Variants in MYO3A observed in about 807,000 individuals in gnomAD.
MYO3A encodes myosin-IIIa.
A neutral mutation model predicts 192.7 loss-of-function variants in MYO3A; 180 were observed. That is an observed-to-expected ratio of 0.93 (90% confidence interval 0.83 to 1.06). The LOEUF is 1.06. Among genes scored for constraint, MYO3A ranks in the 50% least tolerant of loss-of-function variants. The probability of loss-of-function intolerance (pLI) is 0.00; values close to 1 mark genes in which losing one functional copy is unlikely to be tolerated. For missense variants in MYO3A, 1,896 were observed against 1,905.0 expected (o/e 1.00, Z 0.09); for synonymous variants, 628 against 645.3 (o/e 0.97, Z 0.41).
chr10:26,151,828 C>A (rs1157526434), intron 23 of MYO3A, among the ~76,000 whole-genome samples: 1 of 152,214 alleles, frequency 6.6e-6, no homozygotes, highest in Non-Finnish European at 1.5e-5. Flanking sequence ...TCAGAGGGCT[C>A]ACCTCATTTG....
At chr10:26,108,356 G>A (rs1242925272) in intron 17 of MYO3A, among the ~76,000 whole-genome samples, 3 of 151,892 alleles carry the variant, frequency 2.0e-5, no homozygotes, top group African/African-American at 7.3e-5. Context: ...AGATCCCTTG[G>A]GTTATCAGAT....
chr10:26,109,839 T>G (rs1838051411), intron 17 of MYO3A, among the ~76,000 whole-genome samples: 1 of 152,172 alleles, frequency 6.6e-6, no homozygotes, highest in Non-Finnish European at 1.5e-5. Flanking sequence ...GAGGAATTAA[T>G]TGCTTGTAGG....
rs1015862718 is a variant in MYO3A at position 25,982,307 on chromosome 10, C to T, written c.304-14183C>T. 4.6e-5 allele frequency among the ~76,000 whole-genome samples: 7 copies of T among 152,088 alleles called. No homozygotes were observed. In the South Asian group the frequency reaches 6.2e-4, roughly 14 times the overall value. On this transcript the variant is annotated intron_variant, in intron 4 of 34. Transcript: ENST00000642920. ...CCGCCACCTGGTGGTCTTTCTCTAC[C>T]CACTCTGGTAGCCAAAGAGGAAGGT... is the stretch of plus-strand genomic sequence containing the variant.
chr10:26,187,545 G>A (rs952071009), intron 31 of MYO3A, among the ~76,000 whole-genome samples: 5 of 151,840 alleles, frequency 3.3e-5, no homozygotes, highest in African/African-American at 1.2e-4. Context: ...CAACGTGCAG[G>A]TTTGTTACAT....
intron 31 of MYO3A, among the ~76,000 whole-genome samples, chr10:26,192,484 G>A (rs77509345): frequency 0.028 from 4,319 of 152,060 alleles, 192 homozygotes; most frequent in African/African-American, 0.098. Flanking sequence ...GGGAGGGAAG[G>A]GACAGAAGAG....
chr10:26,210,914 C>G (rs1375563471), intron 34 of MYO3A, among the ~76,000 whole-genome samples: 3 of 152,114 alleles, frequency 2.0e-5, no homozygotes, highest in African/African-American at 7.2e-5. Context: ...CTTCAGGTCT[C>G]TCCTTATATA....
chr10:26,002,165 C>T (rs1167933975), intron 6 of MYO3A, among the ~76,000 whole-genome samples: 1 of 152,196 alleles, frequency 6.6e-6, no homozygotes, highest in African/African-American at 2.4e-5. Flanking sequence ...ATTGCAATTT[C>T]TCTGTGTATC....
chr10:25,999,005 C>T (rs1205576458), intron 6 of MYO3A, among the ~76,000 whole-genome samples: 4 of 152,162 alleles, frequency 2.6e-5, no homozygotes, highest in Non-Finnish European at 5.9e-5. Flanking sequence ...TCACACCATT[C>T]TCCTGCCTGA....
chr10:26,179,115 T>TTTTTTTGA (rs1842483567), intron 31 of MYO3A, among the ~76,000 whole-genome samples: 1 of 141,212 alleles, frequency 7.1e-6, no homozygotes, highest in African/African-American at 2.7e-5. Context: ...TTTTTTTTTT[T>TTTTTTTGA]GAGACGGAGT....
chr10:26,140,703 G>C (rs979414978), intron 20 of MYO3A, among the ~76,000 whole-genome samples: 15 of 150,102 alleles, frequency 1.0e-4, no homozygotes, highest in African/African-American at 3.7e-4. Flanking sequence ...AAAAAAAGAA[G>C]AAGAAAAACA....
At chr10:26,185,501 G>A (rs898054325) in intron 31 of MYO3A, among the ~76,000 whole-genome samples, 26 of 151,556 alleles carry the variant, frequency 1.7e-4, no homozygotes, top group South Asian at 6.3e-4. Flanking sequence ...CACCATGCCC[G>A]GCTAAATTTT....
At position 26,081,227 on chromosome 10, in the gene MYO3A, C is replaced by T. The variant is rs1163288519; in HGVS notation, c.1360-6976C>T. Among the ~76,000 whole-genome samples, 15 of 143,906 alleles carry T rather than the reference C, an allele frequency of 1.0e-4. No homozygotes were observed. In the South Asian group the frequency reaches 2.1e-3, roughly 21 times the overall value. 94.4% of individuals were successfully genotyped at this position (143,906 alleles called of 152,430 possible). A position where few individuals can be genotyped will look rare whatever the true frequency, so the allele number is the denominator to read the frequency against. On this transcript the variant is annotated intron_variant, in intron 14 of 34. Coordinates refer to ENST00000642920, the MANE Select transcript of MYO3A (RefSeq NM_017433.5). ...TGTCTGAGTTCAGACTCTCCTTGGG[C>T]GGGTCTTGCTGTGGCTGCTGTGTGG...
intron 2 of MYO3A, among the ~76,000 whole-genome samples, chr10:25,938,280 G>A (rs868297242): frequency 2.6e-5 from 4 of 152,156 alleles, no homozygotes; most frequent in Non-Finnish European, 5.9e-5. Flanking sequence ...AAAGACAACA[G>A]GTCCTGGGGC....
At chr10:25,979,599 T>G (rs981482357) in intron 4 of MYO3A, among the ~76,000 whole-genome samples, 2 of 152,082 alleles carry the variant, frequency 1.3e-5, no homozygotes, top group African/African-American at 4.8e-5. Flanking sequence ...CTTTAAAACC[T>G]TTTATTTTTT....
At chr10:25,934,441 C>T (rs2130765887) in intron 1 of MYO3A, 113 bp downstream of exon 1, 1 of 152,288 alleles carries the variant, frequency 6.6e-6, no homozygotes, top group African/African-American at 2.4e-5. Context: ...CAGGGCGGGC[C>T]CGGGGCTCTC....
chr10:26,205,372 G>A (rs1843865191), intron 34 of MYO3A, among the ~76,000 whole-genome samples: 1 of 150,818 alleles, frequency 6.6e-6, no homozygotes. Context: ...CTGCCTAACT[G>A]ACATTTTGTA....
intron 4 of MYO3A, among the ~76,000 whole-genome samples, chr10:25,974,471 C>A (rs1838856845): frequency 6.6e-6 from 1 of 152,188 alleles, no homozygotes; most frequent in Non-Finnish European, 1.5e-5. Flanking sequence ...GTCAGAACCA[C>A]TGCGGAGAGC....
chr10:26,175,936 G>C (rs893151612), intron 30 of MYO3A, among the ~76,000 whole-genome samples: 1 of 152,108 alleles, frequency 6.6e-6, no homozygotes, highest in Admixed American at 6.5e-5. Flanking sequence ...ATGCGGACAC[G>C]ATAGAGGCGG....
chr10:26,207,756 A>AGTTTG (rs1844040635), intron 34 of MYO3A, among the ~76,000 whole-genome samples: 1 of 152,206 alleles, frequency 6.6e-6, no homozygotes, highest in African/African-American at 2.4e-5. Context: ...TGACTACCAA[A>AGTTTG]GGGTCTTCTG....
Sources: allele counts gnomAD v4.1 joint callset (sites outside exome capture counted in the v4.1 genomes callset), GRCh38; gene constraint gnomAD v4.1.1; transcripts MANE v1.5; gene names NCBI Gene and HGNC (gene_info 2026-07-23, HGNC 2026-07-21).